Variants in LOC128462377 observed in about 807,000 individuals in gnomAD.
the LOC128462377 span, among the ~76,000 whole-genome samples, chr16:89,402,921 C>T: frequency 1.7e-4 from 26 of 152,236 alleles, no homozygotes; most frequent in East Asian, 5.0e-3. Context: ...TGCGCCACTC[C>T]CAACAAAGCA....
chr16:89,377,986 T>C, the LOC128462377 span, among the ~76,000 whole-genome samples: 1 of 152,252 alleles, frequency 6.6e-6, no homozygotes, highest in East Asian at 1.9e-4. Context: ...CTCTTCCTTA[T>C]GATTTTCTTA....
chr16:89,414,616 T>C, the LOC128462377 span, among the ~76,000 whole-genome samples: 1 of 152,220 alleles, frequency 6.6e-6, no homozygotes, highest in Non-Finnish European at 1.5e-5. Flanking sequence ...CCGTGACCAC[T>C]GTCCTGGGTA....
At chr16:89,349,409 G>A in the LOC128462377 span, among the ~76,000 whole-genome samples, 1 of 152,046 alleles carries the variant, frequency 6.6e-6, no homozygotes, top group African/African-American at 2.4e-5. Context: ...GAACCCGGGA[G>A]GCGGAGCTTA....
the LOC128462377 span, among the ~76,000 whole-genome samples, chr16:89,389,047 G>C: frequency 4.6e-5 from 7 of 152,284 alleles, no homozygotes; most frequent in East Asian, 1.3e-3. Context: ...GGAACAATTT[G>C]AGCAAAAAAT....
At chr16:89,413,700 C>T in the LOC128462377 span, among the ~76,000 whole-genome samples, 1 of 152,226 alleles carries the variant, frequency 6.6e-6, no homozygotes, top group African/African-American at 2.4e-5. Flanking sequence ...CAAACCTAGT[C>T]CTGTGGCTGT....
chr16:89,329,958 C>A, the LOC128462377 span, among the ~76,000 whole-genome samples: 2 of 150,306 alleles, frequency 1.3e-5, no homozygotes, highest in Non-Finnish European at 2.9e-5. Flanking sequence ...CCACTGCACT[C>A]CAGCCTGGGC....
chr16:89,367,323 C>G, the LOC128462377 span, among the ~76,000 whole-genome samples: 1 of 152,270 alleles, frequency 6.6e-6, no homozygotes, highest in East Asian at 1.9e-4. Context: ...GGGAGCCCCT[C>G]CTCCTGAGCA....
At chr16:89,368,330 G>C in the LOC128462377 span, among the ~76,000 whole-genome samples, 1 of 148,492 alleles carries the variant, frequency 6.7e-6, no homozygotes, top group Non-Finnish European at 1.5e-5. Context: ...CTGAATAGCT[G>C]GGATTACAGG....
the LOC128462377 span, among the ~76,000 whole-genome samples, chr16:89,408,456 G>C: frequency 6.6e-6 from 1 of 152,260 alleles, no homozygotes; most frequent in Admixed American, 6.5e-5. Flanking sequence ...GCCTCACCCT[G>C]ACCCTGAGCG....
chr16:89,358,622 T>C, the LOC128462377 span, among the ~76,000 whole-genome samples: 1 of 152,160 alleles, frequency 6.6e-6, no homozygotes, highest in East Asian at 1.9e-4. Flanking sequence ...AATTAATAAA[T>C]AAACAGAATG....
At chr16:89,358,320 C>T in the LOC128462377 span, among the ~76,000 whole-genome samples, 2 of 152,122 alleles carry the variant, frequency 1.3e-5, no homozygotes, top group East Asian at 3.9e-4. Context: ...ATCACAGCTG[C>T]ATATTCACGG....
At chr16:89,318,844 G>T in the LOC128462377 span, among the ~76,000 whole-genome samples, 159 of 152,334 alleles carry the variant, frequency 1.0e-3, no homozygotes, top group African/African-American at 3.7e-3. Flanking sequence ...CTCCACCCGC[G>T]GTGCAGGTGA....
chr16:89,330,872 C>G, the LOC128462377 span, among the ~76,000 whole-genome samples: 1 of 152,146 alleles, frequency 6.6e-6, no homozygotes, highest in Admixed American at 6.5e-5. Context: ...TGATTAAAAC[C>G]TGGTAATTTG....
the LOC128462377 span, among the ~76,000 whole-genome samples, chr16:89,394,770 A>G: frequency 6.6e-6 from 1 of 152,220 alleles, no homozygotes; most frequent in East Asian, 1.9e-4. Context: ...CTGTAAAATT[A>G]CACACAGCCA....
the LOC128462377 span, among the ~76,000 whole-genome samples, chr16:89,413,265 A>G: frequency 6.6e-6 from 1 of 152,218 alleles, no homozygotes; most frequent in African/African-American, 2.4e-5. Flanking sequence ...ATTACTACGC[A>G]TATTTTTTTG....
At chr16:89,330,142 C>T in the LOC128462377 span, among the ~76,000 whole-genome samples, 1 of 152,044 alleles carries the variant, frequency 6.6e-6, no homozygotes, top group East Asian at 1.9e-4. Flanking sequence ...GGATTTAAAG[C>T]ATTCAATATA....
At chr16:89,363,695 C>G in the LOC128462377 span, among the ~76,000 whole-genome samples, 1 of 152,134 alleles carries the variant, frequency 6.6e-6, no homozygotes, top group African/African-American at 2.4e-5. Context: ...GTGGCCCAGG[C>G]CCCTGTGAAA....
chr16:89,324,324 C>A, the LOC128462377 span: 1 of 1,244,700 alleles, frequency 8.0e-7, no homozygotes, highest in Non-Finnish European at 1.1e-6. Flanking sequence ...ACACAGCAGT[C>A]GGGGCGACGT....
At chr16:89,358,196 C>T in the LOC128462377 span, among the ~76,000 whole-genome samples, 1 of 152,236 alleles carries the variant, frequency 6.6e-6, no homozygotes, top group Non-Finnish European at 1.5e-5. Context: ...CGGGCAGACA[C>T]AGGCCACAGC....
Sources: allele counts gnomAD v4.1 joint callset (sites outside exome capture counted in the v4.1 genomes callset), GRCh38; gene constraint gnomAD v4.1.1; transcripts MANE v1.5.